The following EAPP variants were observed in gnomAD, a reference collection of about 807,000 sequenced individuals.
EAPP encodes E2F associated phosphoprotein.
A neutral mutation model predicts 34.3 loss-of-function variants in EAPP; 38 were observed. The observed-to-expected ratio is 1.11, with a 90% confidence interval of 0.85 to 1.45. The LOEUF (loss-of-function observed/expected upper bound fraction) is 1.45, where lower values mean the gene tolerates loss of function less well. EAPP is among the 40% of genes most tolerant of loss of function. The probability of loss-of-function intolerance (pLI) is 0.00; values close to 1 mark genes in which losing one functional copy is unlikely to be tolerated. For synonymous variants in EAPP, 113 were observed against 117.6 expected, an observed-to-expected ratio of 0.96 and a Z score of 0.25; for missense variants, 338 against 343.7, an observed-to-expected ratio of 0.98 and a Z score of 0.13.
intron 3 of EAPP, among the ~76,000 whole-genome samples, chr14:34,530,031 TAATAA>T (rs1880231631): frequency 6.6e-6 from 1 of 151,036 alleles, no homozygotes; most frequent in South Asian, 2.1e-4. Context: ...AAAAAGAAAA[TAATAA>T]AATAAAATAC....
chr14:34,535,449 T>TTTTC (rs1880438526), intron 2 of EAPP, among the ~76,000 whole-genome samples: 1 of 149,254 alleles, frequency 6.7e-6, no homozygotes, highest in African/African-American at 2.5e-5. Flanking sequence ...TTTTTTTTTT[T>TTTTC]TTAGATGGAG....
At chr14:34,517,961 G>C (rs1879792430) in intron 5 of EAPP, among the ~76,000 whole-genome samples, 1 of 151,778 alleles carries the variant, frequency 6.6e-6, no homozygotes, top group South Asian at 2.1e-4. Context: ...TTTTAGTAGA[G>C]ACAGGGTTTC....
At chr14:34,521,196 G>A (rs1352005397) in intron 5 of EAPP, among the ~76,000 whole-genome samples, 3 of 151,918 alleles carry the variant, frequency 2.0e-5, no homozygotes, top group Non-Finnish European at 2.9e-5. Flanking sequence ...AGCCTCCCGA[G>A]TAGCTTGGAT....
intron 4 of EAPP, 45 bp from the exon 5 acceptor site, chr14:34,524,852 G>T (rs1418956471): frequency 6.8e-7 from 1 of 1,476,014 alleles, no homozygotes; most frequent in Non-Finnish European, 9.5e-7. Context: ...ATTAAAACCA[G>T]ATCTTGGTTT....
chr14:34,532,071 G>A (rs369164719), intron 3 of EAPP, among the ~76,000 whole-genome samples: 34 of 143,018 alleles, frequency 2.4e-4, no homozygotes, highest in East Asian at 8.1e-4. Context: ...GCGAGACTCC[G>A]TCTCAAAAAA....
intron 4 of EAPP, among the ~76,000 whole-genome samples, 156 bp from the exon 5 acceptor site, chr14:34,524,963 A>T (rs968648502): frequency 2.0e-5 from 3 of 152,170 alleles, no homozygotes; most frequent in Non-Finnish European, 4.4e-5. Flanking sequence ...TTTTAGTGCC[A>T]GAAAAGAAGG....
chr14:34,535,603 T>C (rs1275979860), intron 2 of EAPP, among the ~76,000 whole-genome samples: 4 of 151,526 alleles, frequency 2.6e-5, no homozygotes, highest in African/African-American at 9.7e-5. Flanking sequence ...CGGCTAATTT[T>C]TTGTATTTTT....
chr14:34,517,589 TTTTCTA>T (rs1185153147), intron 5 of EAPP, among the ~76,000 whole-genome samples: 1 of 151,970 alleles, frequency 6.6e-6, no homozygotes, highest in African/African-American at 2.4e-5. Flanking sequence ...TTATGCCTTC[TTTTCTA>T]TTTCTAATTT....
intron 5 of EAPP, among the ~76,000 whole-genome samples, chr14:34,520,080 T>C (rs1879867716): frequency 6.6e-6 from 1 of 151,936 alleles, no homozygotes; most frequent in East Asian, 1.9e-4. Context: ...AGAGATGGGG[T>C]TTCACCATGT....
chr14:34,535,632 C>T (rs1035837291), intron 2 of EAPP, among the ~76,000 whole-genome samples: 4 of 151,138 alleles, frequency 2.6e-5, no homozygotes, highest in African/African-American at 9.7e-5. Context: ...CAGGGTTTCA[C>T]CGTGTTAGCC....
chr14:34,524,616 C>CAAAAA, intron 5 of EAPP, 81 bp downstream of exon 5: 1 of 867,864 alleles, frequency 1.2e-6, no homozygotes, highest in Admixed American at 2.6e-5. Flanking sequence ...ACTCTGACTT[C>CAAAAA]AAAAAAAAAA....
intron 5 of EAPP, among the ~76,000 whole-genome samples, chr14:34,517,341 C>T (rs905760665): frequency 1.4e-5 from 2 of 147,432 alleles, no homozygotes; most frequent in African/African-American, 2.5e-5. Flanking sequence ...CTCTGCCCCC[C>T]GGGTTCAAGT....
chr14:34,532,200 G>A (rs1880318800), intron 3 of EAPP, among the ~76,000 whole-genome samples: 1 of 151,844 alleles, frequency 6.6e-6, no homozygotes, highest in Non-Finnish European at 1.5e-5. Flanking sequence ...GCTCACACCA[G>A]TAATCCCGGC....
At chr14:34,517,928 C>T (rs1046736743) in intron 5 of EAPP, among the ~76,000 whole-genome samples, 1 of 151,936 alleles carries the variant, frequency 6.6e-6, no homozygotes, top group South Asian at 2.1e-4. Context: ...GTGTACGCCA[C>T]CACACTTGGC....
intron 5 of EAPP, among the ~76,000 whole-genome samples, chr14:34,522,662 C>CAG (rs1879956649): frequency 6.6e-6 from 1 of 151,970 alleles, no homozygotes; most frequent in South Asian, 2.1e-4. Context: ...TTTTTGGCAC[C>CAG]AGATGGCACT....
intron 2 of EAPP, among the ~76,000 whole-genome samples, chr14:34,535,267 C>T (rs1276931335): frequency 6.6e-6 from 1 of 151,314 alleles, no homozygotes; most frequent in Non-Finnish European, 1.5e-5. Context: ...GTAGCTGGGA[C>T]TGCAGGCACG....
intron 1 of EAPP, among the ~76,000 whole-genome samples, chr14:34,537,642 G>A (rs575454979): frequency 4.6e-5 from 7 of 152,344 alleles, no homozygotes; most frequent in Non-Finnish European, 8.8e-5. Context: ...TGTATTTACT[G>A]TCTTCTATGA....
At chr14:34,532,841 A>AT (rs1344646464) in intron 3 of EAPP, among the ~76,000 whole-genome samples, 1 of 151,812 alleles carries the variant, frequency 6.6e-6, no homozygotes, top group Non-Finnish European at 1.5e-5. Context: ...AGCCTGGCTA[A>AT]TTTTTTTGTA....
At position 34,524,246 on chromosome 14, in the gene EAPP, C is replaced by T. The variant is rs200544245; in HGVS notation, c.581+451G>A. Among the ~76,000 whole-genome samples, 4 of 152,028 alleles carry T rather than the reference C, an allele frequency of 2.6e-5. No individual in the cohort carries two copies. The East Asian group carries it at 7.7e-4, about 29-fold the overall frequency. On this transcript the variant is annotated intron_variant, in intron 5 of 5. Transcript: ENST00000250454. ...CTGTACTAAAACTACAAAAATTAGC[C>T]GGGTGTGGTGGCAGGCACCTGTAAT...
Sources: allele counts gnomAD v4.1 joint callset (sites outside exome capture counted in the v4.1 genomes callset), GRCh38; gene constraint gnomAD v4.1.1; transcripts MANE v1.5; gene names NCBI Gene and HGNC (gene_info 2026-07-23, HGNC 2026-07-21).